Variants in ITGA1 observed in about 807,000 individuals in gnomAD.
The protein encoded by ITGA1 is integrin subunit alpha 1, also known as integrin alpha-1.
A neutral mutation model predicts 145.9 loss-of-function variants in ITGA1; 85 were observed. The ratio of observed to expected loss-of-function variants is 0.58; its 90% confidence interval spans 0.49 to 0.70. The LOEUF (loss-of-function observed/expected upper bound fraction) is 0.70, where lower values mean the gene tolerates loss of function less well. Among genes scored for constraint, ITGA1 ranks in the 30% least tolerant of loss-of-function variants. The probability of loss-of-function intolerance (pLI) is 0.00; values close to 1 mark genes in which losing one functional copy is unlikely to be tolerated. For missense variants in ITGA1, 1,351 were observed against 1,418.7 expected (o/e 0.95, Z 0.77); for synonymous variants, 520 against 495.3 (o/e 1.05, Z -0.66).
Position 52,947,285 on chromosome 5 carries a change from A to G in ITGA1, c.3379-60A>G, listed in dbSNP as rs970833298. The stretch of plus-strand genomic sequence containing the variant: ...GAGAATTGTAGCCTGCAAGAACTCA[A>G]TGTTCCAGGAGTTCTAATAGGTGTT... On this transcript the variant is annotated intron_variant, in intron 27 of 28. Coordinates refer to ENST00000282588, the MANE Select transcript of ITGA1 (RefSeq NM_181501.2). The G allele has an allele frequency of 1.1e-4, 105 of 975,386 alleles. 1 individual carries two copies. The highest frequency in any genetic ancestry group is 8.5e-4 in the South Asian group (65 of 76,258). The allele number at this position is 975,386 out of a possible 1,614,324, so 60.4% of individuals were successfully genotyped here. A position where few individuals can be genotyped will look rare whatever the true frequency, so the allele number is the denominator to read the frequency against.
rs1751316898 is a variant in ITGA1, at chr5:52,957,080, A to T, written c.*4629A>T. ...CTGTAACATTGTAATCGGACGAACA[A>T]ATCAGCATCTTTGATCCTCAGGTTA... On this transcript the variant is annotated 3_prime_UTR_variant, in exon 29 of 29. Coordinates refer to ENST00000282588, the MANE Select transcript of ITGA1 (RefSeq NM_181501.2). The T allele has an allele frequency of 6.6e-6, 1 of 152,202 alleles. No homozygotes were observed. The highest frequency in any genetic ancestry group is 6.5e-5 in the Admixed American group (1 of 15,284). 9.4% of individuals were successfully genotyped at this position (152,202 alleles called of 1,614,324 possible).
chr5:52,875,118 A>C (rs1194856120), intron 6 of ITGA1, among the ~76,000 whole-genome samples: 1 of 152,186 alleles, frequency 6.6e-6, no homozygotes, highest in Non-Finnish European at 1.5e-5. Flanking sequence ...ACCATTTGCA[A>C]TTTGTGACAG....
At chr5:52,934,144 A>G (rs572498855) in intron 23 of ITGA1, 148 bp downstream of exon 23, 148 of 229,346 alleles carry the variant, frequency 6.5e-4, no homozygotes, top group African/African-American at 3.3e-3. Flanking sequence ...AAATATAAAT[A>G]TAGACATATA....
intron 21 of ITGA1, chr5:52,931,674 AT>A (rs1337776912): frequency 6.3e-6 from 1 of 159,802 alleles, no homozygotes; most frequent in African/African-American, 2.4e-5. Context: ...GGGGGCAGAT[AT>A]GTGGTTAAAA....
Position 52,956,605 on chromosome 5 carries a change from C to G in ITGA1, c.*4154C>G, listed in dbSNP as rs746285857. The G allele has an allele frequency of 3.3e-5, 5 of 152,198 alleles. No homozygotes were observed. The highest frequency in any genetic ancestry group is 4.4e-5 in the Non-Finnish European group (3 of 68,056). 9.4% of individuals were successfully genotyped at this position (152,198 alleles called of 1,614,324 possible). A position where few individuals can be genotyped will look rare whatever the true frequency, so the allele number is the denominator to read the frequency against. ...AGGAGGGACAAAGCAGAATATACTT[C>G]CAAGCTGGAACATCTTTAAGACATT... is the stretch of plus-strand genomic sequence containing the variant. On this transcript the variant is annotated 3_prime_UTR_variant, in exon 29 of 29. Transcript: ENST00000282588.
At chr5:52,912,628 A>G (rs1750580001) in intron 14 of ITGA1, among the ~76,000 whole-genome samples, 1 of 146,400 alleles carries the variant, frequency 6.8e-6, no homozygotes, top group African/African-American at 2.5e-5. Context: ...TATTATATAT[A>G]GTGTATCTAT....
At chr5:52,938,846 G>A (rs1392077701) in intron 24 of ITGA1, among the ~76,000 whole-genome samples, 1 of 151,966 alleles carries the variant, frequency 6.6e-6, no homozygotes, top group East Asian at 1.9e-4. Context: ...ACAGATGAAG[G>A]TCTCTCGCTT....
intron 1 of ITGA1, among the ~76,000 whole-genome samples, chr5:52,807,102 A>G (rs185369737): frequency 1.8e-4 from 27 of 152,316 alleles, no homozygotes; most frequent in Admixed American, 1.6e-3. Context: ...CCTGTTTTCT[A>G]TAATGTCAGA....
chr5:52,800,871 T>A, intron 1 of ITGA1: 1 of 1,611,382 alleles, frequency 6.2e-7, no homozygotes, highest in South Asian at 1.1e-5. Flanking sequence ...TGACCCTCAC[T>A]CGGGCCAAGG....
Position 52,827,952 on chromosome 5 carries a change from G to A in ITGA1, c.62-21413G>A, listed in dbSNP as rs73102238. On this transcript the variant is annotated intron_variant, in intron 1 of 28. Coordinates refer to ENST00000282588, the MANE Select transcript of ITGA1 (RefSeq NM_181501.2). ...ATTGCAGTGGTCTGGAACCAAACCC[G>A]CAGTATCTCTGTGATGTGCCTGTAC... 7.3e-3 allele frequency among the ~76,000 whole-genome samples: 1,116 copies of A among 152,202 alleles called. 14 individuals are homozygous for A. Among genetic ancestry groups the A allele is most frequent in the African/African-American group, 0.026 (1,073 of 41,542 alleles).
intron 24 of ITGA1, 29 bp from the exon 25 acceptor site, chr5:52,939,561 T>A (rs1467834814): frequency 2.1e-6 from 3 of 1,435,494 alleles, no homozygotes; most frequent in Non-Finnish European, 2.9e-6. Context: ...TCTGGCATTG[T>A]CTGATAAATG....
At chr5:52,882,076 G>A in intron 7 of ITGA1, 55 bp downstream of exon 7, 1 of 1,416,306 alleles carries the variant, frequency 7.1e-7, no homozygotes, top group South Asian at 1.6e-5. Flanking sequence ...AACTGCTCAT[G>A]ATTTAGCCTT....
intron 7 of ITGA1, among the ~76,000 whole-genome samples, chr5:52,882,646 A>T (rs1749978212): frequency 6.6e-6 from 1 of 152,124 alleles, no homozygotes; most frequent in Non-Finnish European, 1.5e-5. Context: ...CTTATGGTGA[A>T]CACATAACTC....
intron 6 of ITGA1, among the ~76,000 whole-genome samples, chr5:52,866,571 T>G (rs1749691482): frequency 6.6e-6 from 1 of 152,202 alleles, no homozygotes; most frequent in Non-Finnish European, 1.5e-5. Context: ...AGGATACTAC[T>G]TAAAGCCTGT....
chr5:52,891,643 A>T (rs1330806539), intron 8 of ITGA1, among the ~76,000 whole-genome samples: 1 of 149,378 alleles, frequency 6.7e-6, no homozygotes, highest in African/African-American at 2.4e-5. Context: ...TTTATTACAG[A>T]AGTGATTTTT....
At chr5:52,909,689 C>CT (rs11389671) in intron 13 of ITGA1, among the ~76,000 whole-genome samples, 12,902 of 150,742 alleles carry the variant, frequency 0.086, 1,479 homozygotes, top group African/African-American at 0.27. Flanking sequence ...CTCCTGTCAA[C>CT]TTTTTTTGTC....
At chr5:52,891,823 A>C (rs922366495) in intron 8 of ITGA1, among the ~76,000 whole-genome samples, 1 of 151,904 alleles carries the variant, frequency 6.6e-6, no homozygotes, top group African/African-American at 2.4e-5. Flanking sequence ...CATATTGGGG[A>C]TTTTTAAATT....
At chr5:52,926,532 G>T (rs1376831215) in intron 19 of ITGA1, among the ~76,000 whole-genome samples, 5 of 152,136 alleles carry the variant, frequency 3.3e-5, no homozygotes, top group African/African-American at 1.2e-4. Context: ...AACCCGGGAG[G>T]TGGAGGTTGC....
At position 52,865,795 on chromosome 5, in the gene ITGA1, A is replaced by T. The variant is rs1245181296; in HGVS notation, c.602A>T (p.Asp201Val). 1.9e-6 allele frequency: 3 copies of T among 1,600,698 alleles called. No individual in the cohort carries two copies. The highest frequency in any genetic ancestry group is 2.6e-6 in the Non-Finnish European group (3 of 1,175,038). ...TTAAATGACCTTCTTGAAAGAATGG[A>T]TATTGGTCCTAAACAGACACAGGTA... ...AFLNDLLERM[D>V]IGPKQTQVGI... Residue 201 changes from aspartate to valine, a missense_variant, in exon 6 of 29, where the codon GAT becomes GTT. Transcript: ENST00000282588.
Sources: allele counts gnomAD v4.1 joint callset (sites outside exome capture counted in the v4.1 genomes callset), GRCh38; gene constraint gnomAD v4.1.1; transcripts MANE v1.5; gene names NCBI Gene and HGNC (gene_info 2026-07-23, HGNC 2026-07-21).